FER1L6: variants seen among roughly 807,000 people sequenced by gnomAD.
FER1L6 encodes fer-1-like protein 6.
Under a neutral mutation model 219.2 loss-of-function variants are expected in FER1L6, and 177 were observed. The observed-to-expected ratio is 0.81, with a 90% CI of 0.71 to 0.91. The LOEUF (loss-of-function observed/expected upper bound fraction) is 0.91. FER1L6 is among the 40% of genes least tolerant of loss of function. The pLI, the probability that FER1L6 is intolerant of heterozygous loss-of-function variation, is 0.00. For missense variants in FER1L6, 2,153 were observed against 2,259.9 expected (o/e 0.95, Z 0.96); for synonymous variants, 768 against 824.3 (o/e 0.93, Z 1.17).
At chr8:123,938,729 G>T (rs1409816137) in intron 1 of FER1L6, among the ~76,000 whole-genome samples, 1 of 151,770 alleles carries the variant, frequency 6.6e-6, no homozygotes, top group Non-Finnish European at 1.5e-5. Flanking sequence ...TGTGTTTTTA[G>T]TAGAGATGGG....
intron 16 of FER1L6, among the ~76,000 whole-genome samples, chr8:124,019,861 G>A (rs961167106): frequency 2.0e-5 from 3 of 152,192 alleles, no homozygotes; most frequent in East Asian, 3.8e-4. Flanking sequence ...AAAACATGGG[G>A]GAATGTAATA....
chr8:123,912,534 G>A (rs1023546194), intron 1 of FER1L6, among the ~76,000 whole-genome samples: 2 of 130,926 alleles, frequency 1.5e-5, no homozygotes, highest in Non-Finnish European at 3.1e-5. Context: ...ATCTCCGAGA[G>A]AGCATTGAGG....
chr8:124,055,518 T>C (rs931973416), intron 22 of FER1L6, among the ~76,000 whole-genome samples: 3 of 152,350 alleles, frequency 2.0e-5, no homozygotes, highest in African/African-American at 7.2e-5. Context: ...CTGTTGTTAT[T>C]CACACTTTGG....
At chr8:124,033,313 AT>A (rs1819052194) in intron 18 of FER1L6, among the ~76,000 whole-genome samples, 1 of 152,172 alleles carries the variant, frequency 6.6e-6, no homozygotes, top group African/African-American at 2.4e-5. Flanking sequence ...GATTGCTTTT[AT>A]TATAGGAAAA....
chr8:124,099,545 T>G (rs895810991), intron 37 of FER1L6, among the ~76,000 whole-genome samples: 1 of 152,206 alleles, frequency 6.6e-6, no homozygotes, highest in Non-Finnish European at 1.5e-5. Flanking sequence ...TGTCTTTTCC[T>G]CCATCATCTC....
chr8:123,927,691 A>G (rs1813621038), intron 1 of FER1L6, among the ~76,000 whole-genome samples: 1 of 152,230 alleles, frequency 6.6e-6, no homozygotes, highest in South Asian at 2.1e-4. Flanking sequence ...GGCTGGTATT[A>G]TCTTACTTTA....
chr8:124,045,824 G>C lies in FER1L6; in HGVS notation c.2647G>C (p.Val883Leu). The change falls in exon 21 of 41, where the codon GTG (valine) becomes CTG (leucine). Residue 883 changes from valine (V) to leucine (L), a missense_variant. Coordinates refer to ENST00000522917, the MANE Select transcript of FER1L6 (RefSeq NM_001039112.2). Reference sequence around the variant, plus strand: ...CCAGATGCTGCTGTTCAATGATTTGGTGCTGCATGGAGATGTGAAGGAGCT... The same window carrying C: ...CCAGATGCTGCTGTTCAATGATTTGCTGCTGCATGGAGATGTGAAGGAGCT... ...WNQMLLFNDL[V>L]LHGDVKELAE... 6.2e-7 allele frequency: 1 copy of C among 1,614,070 alleles called. No homozygotes were observed. Among genetic ancestry groups the C allele is most frequent in the Non-Finnish European group, 8.5e-7 (1 of 1,180,004 alleles).
chr8:123,945,574 G>C (rs144763027), intron 1 of FER1L6, among the ~76,000 whole-genome samples: 1 of 152,178 alleles, frequency 6.6e-6, no homozygotes, highest in Non-Finnish European at 1.5e-5. Context: ...ATTTCTGGCG[G>C]TTACTTTTTT....
chr8:124,074,516 G>C (rs1821199355), intron 31 of FER1L6, among the ~76,000 whole-genome samples: 1 of 151,774 alleles, frequency 6.6e-6, no homozygotes, highest in Non-Finnish European at 1.5e-5. Flanking sequence ...GTGGGGCGTG[G>C]TGGCTCATGC....
intron 22 of FER1L6, among the ~76,000 whole-genome samples, chr8:124,059,479 G>C (rs1447046137): frequency 6.6e-6 from 1 of 152,150 alleles, no homozygotes; most frequent in Non-Finnish European, 1.5e-5. Context: ...AGATGTATGT[G>C]TCGAACCAGG....
At chr8:124,050,802 C>A (rs961587854) in intron 22 of FER1L6, among the ~76,000 whole-genome samples, 7 of 151,898 alleles carry the variant, frequency 4.6e-5, no homozygotes, top group African/African-American at 1.7e-4. Context: ...CATTCATGAG[C>A]GTTTTGCCCT....
At chr8:124,109,764 C>G (rs548844720) in intron 39 of FER1L6, among the ~76,000 whole-genome samples, 1 of 152,124 alleles carries the variant, frequency 6.6e-6, no homozygotes, top group Non-Finnish European at 1.5e-5. Context: ...ATCCTGAATA[C>G]AGAGATGAAT....
chr8:124,106,730 C>T (rs949204095), intron 39 of FER1L6, among the ~76,000 whole-genome samples: 1 of 152,136 alleles, frequency 6.6e-6, no homozygotes, highest in African/African-American at 2.4e-5. Context: ...CTACATGTAT[C>T]TCTTGACACA....
rs1284186483 is a variant in FER1L6 at position 123,975,187 on chromosome 8, C to A, written c.564C>A (p.Asp188Glu). The A allele has an allele frequency of 3.7e-6, 6 of 1,611,356 alleles. No homozygotes were observed. Among genetic ancestry groups the A allele is most frequent in the Non-Finnish European group, 3.4e-6 (4 of 1,179,200 alleles). The change falls in exon 8 of 41, where the codon GAC becomes GAA. Residue 188 changes from aspartate (D) to glutamate (E), a missense_variant. Asp to Glu is a conservative substitution (Grantham distance 45, BLOSUM62 2). Coordinates refer to ENST00000522917, the MANE Select transcript of FER1L6 (RefSeq NM_001039112.2). ...GCAACAAGTGGGCCCTGCTCACAGA[C>A]CCTGGTGACATCAGGACTGGCACCA... ...QFCNKWALLT[D>E]PGDIRTGTKG...
intron 13 of FER1L6, among the ~76,000 whole-genome samples, chr8:124,004,738 C>T (rs561536494): frequency 3.3e-5 from 5 of 152,224 alleles, no homozygotes; most frequent in South Asian, 4.1e-4. Flanking sequence ...GTGGCTCATG[C>T]GTGTAATCCC....
At chr8:123,918,655 A>G (rs1311555365) in intron 1 of FER1L6, among the ~76,000 whole-genome samples, 2 of 143,070 alleles carry the variant, frequency 1.4e-5, no homozygotes, top group Non-Finnish European at 3.0e-5. Context: ...CACGGCAGAA[A>G]GTGTTTAGCA....
chr8:124,020,973 T>C lies in FER1L6; in HGVS notation c.2014-577T>C, dbSNP rs181908386. Among the ~76,000 whole-genome samples the C allele has an allele frequency of 2.0e-5, 3 of 152,146 alleles. No homozygotes were observed. In the East Asian group the frequency reaches 5.8e-4, roughly 30 times the overall value. On this transcript the variant is annotated intron_variant, in intron 16 of 40. Transcript: ENST00000522917. ...GGAAAGAGGTTTAATTGACGCACAGTTCCACATGGCTAAGAGGCCATGGTG... is the reference window on the plus strand; with the variant it reads ...GGAAAGAGGTTTAATTGACGCACAGCTCCACATGGCTAAGAGGCCATGGTG...
intron 25 of FER1L6, among the ~76,000 whole-genome samples, chr8:124,062,956 A>G (rs1362188096): frequency 1.3e-5 from 2 of 151,902 alleles, no homozygotes; most frequent in Non-Finnish European, 2.9e-5. Flanking sequence ...CTATTATCCA[A>G]CTTTCTAGAT....
At chr8:124,106,272 T>C (rs1822767293) in intron 39 of FER1L6, among the ~76,000 whole-genome samples, 1 of 131,582 alleles carries the variant, frequency 7.6e-6, no homozygotes, top group Admixed American at 9.6e-5. Context: ...GAGCTTGCAG[T>C]GAGCCGAGAT....
Sources: gnomAD v4.1 joint callset for allele counts (sites outside exome capture counted in the v4.1 genomes callset) on GRCh38, gnomAD v4.1.1 for gene constraint, MANE v1.5 for transcripts, NCBI Gene and HGNC (gene_info 2026-07-23, HGNC 2026-07-21) for gene names.